The following CNTN4 variants were observed in gnomAD, a reference collection of about 807,000 sequenced individuals.
The protein encoded by CNTN4 is contactin 4, also known as contactin-4.
In CNTN4, 77 loss-of-function variants were observed where a neutral mutation model predicts 122.5. The observed-to-expected ratio is 0.63, with a 90% CI of 0.52 to 0.76. The LOEUF (loss-of-function observed/expected upper bound fraction) is 0.76. Among genes scored for constraint, CNTN4 ranks in the 30% least tolerant of loss-of-function variants. CNTN4 has a pLI of 0.00. For synonymous variants in CNTN4, 512 were observed against 447.0 expected (o/e 1.15, Z -1.83); for missense variants, 1,256 against 1,259.1 (o/e 1.00, Z 0.04).
chr3:2,376,217 G>C (rs2045810265), intron 3 of CNTN4, among the ~76,000 whole-genome samples: 1 of 152,162 alleles, frequency 6.6e-6, no homozygotes, highest in Non-Finnish European at 1.5e-5. Flanking sequence ...GGCAGAAAAT[G>C]ATTTGCTGTG....
intron 12 of CNTN4, among the ~76,000 whole-genome samples, chr3:2,919,630 G>A (rs4589913): frequency 0.56 from 84,502 of 151,428 alleles, 23,545 homozygotes; most frequent in East Asian, 0.68. Flanking sequence ...TTCGCATACT[G>A]TACACTACCT....
chr3:2,766,576 G>A (rs905637449), intron 6 of CNTN4, among the ~76,000 whole-genome samples: 1 of 152,122 alleles, frequency 6.6e-6, no homozygotes, highest in Non-Finnish European at 1.5e-5. Flanking sequence ...TGATACAATG[G>A]AATTTTGGGA....
chr3:2,493,969 C>G (rs907277743), intron 3 of CNTN4, among the ~76,000 whole-genome samples: 2 of 151,818 alleles, frequency 1.3e-5, no homozygotes, highest in East Asian at 1.9e-4. Flanking sequence ...ATAGAAGAAG[C>G]CTAAATCTTT....
At chr3:2,224,220 T>G (rs1341725712) in intron 2 of CNTN4, among the ~76,000 whole-genome samples, 1 of 152,150 alleles carries the variant, frequency 6.6e-6, no homozygotes, top group Non-Finnish European at 1.5e-5. Context: ...GGTGGCACAT[T>G]CTGGTCTTCT....
intron 3 of CNTN4, among the ~76,000 whole-genome samples, chr3:2,520,249 T>C (rs1307285140): frequency 6.8e-6 from 1 of 146,976 alleles, no homozygotes; most frequent in South Asian, 2.1e-4. Context: ...GATAGGTTGG[T>C]GATTGCTTCC....
chr3:2,753,866 A>C (rs1374480638), intron 6 of CNTN4, among the ~76,000 whole-genome samples: 2 of 152,224 alleles, frequency 1.3e-5, no homozygotes, highest in African/African-American at 4.8e-5. Flanking sequence ...ATAATGTTAC[A>C]TGCAATGACT....
rs1309180813 is a variant in CNTN4, at chr3:2,119,979, T to G, written c.-145+19340T>G. On this transcript the variant is annotated intron_variant, in intron 2 of 24. Transcript: ENST00000418658. Reference sequence around the variant, plus strand: ...GGTGGCAGAGTCAAGAAAGGCTTCTTGGTAAATGTGAATTTTGAGACCCCC... The same window carrying G: ...GGTGGCAGAGTCAAGAAAGGCTTCTGGGTAAATGTGAATTTTGAGACCCCC... Among the ~76,000 whole-genome samples the G allele has an allele frequency of 2.0e-5, 3 of 152,214 alleles. No homozygotes were observed. In the East Asian group the frequency reaches 5.8e-4, roughly 30 times the overall value.
chr3:2,199,341 C>CTG lies in CNTN4; in HGVS notation c.-145+98715_-145+98716dup, dbSNP rs144327087. Among the ~76,000 whole-genome samples the CTG allele has an allele frequency of 4.4e-3, 662 of 151,236 alleles. 4 individuals are homozygous for CTG. Among genetic ancestry groups the CTG allele is most frequent in the Non-Finnish European group, 6.4e-3 (432 of 67,710 alleles). On this transcript the variant is annotated intron_variant, in intron 2 of 24. Transcript: ENST00000418658. ...GTACTTTTAAAGTGTGTGTGTGTCT[C>CTG]TGTGTGTGTGTGTGACTCTCTTTTT...
chr3:2,228,723 T>A (rs1019884757), intron 2 of CNTN4, among the ~76,000 whole-genome samples: 21 of 152,168 alleles, frequency 1.4e-4, no homozygotes, highest in Admixed American at 6.5e-5. Context: ...TTATAGCAAC[T>A]TGTAATATAT....
At chr3:2,718,115 A>G (rs1201338827) in intron 4 of CNTN4, among the ~76,000 whole-genome samples, 1 of 152,118 alleles carries the variant, frequency 6.6e-6, no homozygotes, top group Non-Finnish European at 1.5e-5. Flanking sequence ...GTGCATTTTA[A>G]GCACTTCAAA....
At chr3:2,940,121 G>C (rs909429150) in intron 13 of CNTN4, among the ~76,000 whole-genome samples, 4 of 152,198 alleles carry the variant, frequency 2.6e-5, no homozygotes, top group Non-Finnish European at 5.9e-5. Flanking sequence ...ATAAGGGTGT[G>C]GGAGGTTCAT....
intron 2 of CNTN4, among the ~76,000 whole-genome samples, chr3:2,314,126 AT>A (rs1411296333): frequency 6.6e-6 from 1 of 152,048 alleles, no homozygotes; most frequent in Non-Finnish European, 1.5e-5. Flanking sequence ...TAAAATTCAT[AT>A]GAATTGACTT....
At chr3:2,707,785 C>T (rs1417518516) in intron 4 of CNTN4, among the ~76,000 whole-genome samples, 1 of 151,948 alleles carries the variant, frequency 6.6e-6, no homozygotes, top group Non-Finnish European at 1.5e-5. Flanking sequence ...CTGCACATAC[C>T]ACCACACCTG....
At chr3:2,684,937 G>A (rs2085354729) in intron 4 of CNTN4, among the ~76,000 whole-genome samples, 1 of 152,188 alleles carries the variant, frequency 6.6e-6, no homozygotes, top group African/African-American at 2.4e-5. Flanking sequence ...CCAGGGCCTT[G>A]TTCAGGGATC....
intron 4 of CNTN4, among the ~76,000 whole-genome samples, chr3:2,583,050 T>G (rs1056944601): frequency 2.6e-5 from 4 of 152,186 alleles, no homozygotes; most frequent in Admixed American, 2.0e-4. Flanking sequence ...AACTCCCCAG[T>G]TTCAACTATA....
chr3:2,732,631 G>C (rs1218295903), intron 4 of CNTN4, among the ~76,000 whole-genome samples: 1 of 152,118 alleles, frequency 6.6e-6, no homozygotes, highest in African/African-American at 2.4e-5. Flanking sequence ...CAAACTTAGG[G>C]ATGCCTCTCC....
chr3:2,894,710 TAAAAG>T lies in CNTN4; in HGVS notation c.941-5971_941-5967del, dbSNP rs559105210. Among the ~76,000 whole-genome samples, 546 of 152,138 alleles carry T rather than the reference TAAAAG, an allele frequency of 3.6e-3. 4 individuals carry two copies. Among genetic ancestry groups the T allele is most frequent in the African/African-American group, 0.012 (512 of 41,504 alleles). On this transcript the variant is annotated intron_variant, in intron 10 of 24. Transcript: ENST00000418658. ...GTAGAGGCTTTGAAGATTAAAAAAA[TAAAAG>T]AAAGAAATATAGAGAAATGAATCTG... is the stretch of plus-strand genomic sequence containing the variant.
chr3:2,587,793 A>G (rs1479540), intron 4 of CNTN4, among the ~76,000 whole-genome samples: 44,318 of 151,948 alleles, frequency 0.29, 9,303 homozygotes, highest in African/African-American at 0.57. Flanking sequence ...CAGTTATTAG[A>G]AATTGCTTTT....
chr3:2,674,944 A>G (rs1031408878), intron 4 of CNTN4, among the ~76,000 whole-genome samples: 1 of 152,170 alleles, frequency 6.6e-6, no homozygotes, highest in African/African-American at 2.4e-5. Flanking sequence ...CATATGATTA[A>G]TTGCTTTAGT....
Sources: allele counts gnomAD v4.1 joint callset (sites outside exome capture counted in the v4.1 genomes callset), GRCh38; gene constraint gnomAD v4.1.1; transcripts MANE v1.5; gene names NCBI Gene and HGNC (gene_info 2026-07-23, HGNC 2026-07-21).